The following FGF12 variants were observed in gnomAD, a reference collection of about 807,000 sequenced individuals.
The protein encoded by FGF12 is fibroblast growth factor 12B.
Under a neutral mutation model 23.6 loss-of-function variants are expected in FGF12, and 14 were observed. The observed-to-expected ratio is 0.59, with a 90% CI of 0.39 to 0.93. The LOEUF is 0.93. Ranked by LOEUF, FGF12 falls within the 40% of genes least tolerant of loss-of-function variation. The pLI is 0.00. For synonymous variants in FGF12, 62 were observed against 77.3 expected, an observed-to-expected ratio of 0.80 and a Z score of 1.04; for missense variants, 175 against 217.8, an observed-to-expected ratio of 0.80 and a Z score of 1.24.
chr3:192,608,936 A>G (rs1398493728), intron 2 of FGF12, among the ~76,000 whole-genome samples: 1 of 152,096 alleles, frequency 6.6e-6, no homozygotes, highest in Non-Finnish European at 1.5e-5. Context: ...CAGCTTAGTG[A>G]GGCAGGCTTA....
chr3:192,155,399 C>G (rs137887251), intron 5 of FGF12, among the ~76,000 whole-genome samples: 3 of 152,318 alleles, frequency 2.0e-5, no homozygotes, highest in East Asian at 3.9e-4. Flanking sequence ...AGGAATAAAT[C>G]TAGCTGAAGT....
chr3:192,613,779 A>G (rs1401957448), intron 2 of FGF12, among the ~76,000 whole-genome samples: 1 of 151,962 alleles, frequency 6.6e-6, no homozygotes, highest in Non-Finnish European at 1.5e-5. Context: ...TCCAAAATGA[A>G]ATCTTTGATT....
At chr3:192,651,191 T>G (rs1410954994) in intron 2 of FGF12, among the ~76,000 whole-genome samples, 2 of 152,220 alleles carry the variant, frequency 1.3e-5, no homozygotes, top group Non-Finnish European at 2.9e-5. Flanking sequence ...CCAGGACTGA[T>G]GAGCAAACAG....
In FGF12 at chr3:192,453,874, T is replaced by C. The variant is rs115838325; in HGVS notation, c.14-93336A>G. Among the ~76,000 whole-genome samples the C allele has an allele frequency of 2.9e-3, 449 of 152,330 alleles. 3 individuals are homozygous for C. Among genetic ancestry groups the C allele is most frequent in the African/African-American group, 0.011 (442 of 41,574 alleles). On this transcript the variant is annotated intron_variant, in intron 2 of 5. Transcript: ENST00000445105. ...AATCTGGGTTTAAACTTTATTTCTC[T>C]ATAAACTTGAAGTATTTTTAATAAG...
intron 2 of FGF12, chr3:192,726,830 T>C (rs1356312201): frequency 6.5e-6 from 2 of 308,614 alleles, no homozygotes; most frequent in Non-Finnish European, 1.2e-5. Context: ...CTAAAGCAAA[T>C]GAAATAGATT....
chr3:192,186,908 T>C (rs915603912), intron 4 of FGF12, among the ~76,000 whole-genome samples: 3 of 152,196 alleles, frequency 2.0e-5, no homozygotes, highest in Non-Finnish European at 4.4e-5. Flanking sequence ...TTTTCAGATA[T>C]TTTGCAGCTT....
chr3:192,566,051 A>G (rs552303829), intron 2 of FGF12, among the ~76,000 whole-genome samples: 4 of 152,204 alleles, frequency 2.6e-5, no homozygotes, highest in Admixed American at 6.5e-5. Context: ...GCGCCATTGC[A>G]CTCCAGCCTG....
chr3:192,154,763 TTTTG>T (rs1180748845), intron 5 of FGF12, among the ~76,000 whole-genome samples: 2 of 144,892 alleles, frequency 1.4e-5, no homozygotes, highest in Non-Finnish European at 3.0e-5. Context: ...ACTGCTGTCT[TTTTG>T]TTTGTCTGTG....
chr3:192,350,128 G>A (rs958474323), intron 3 of FGF12, among the ~76,000 whole-genome samples: 2 of 151,994 alleles, frequency 1.3e-5, no homozygotes, highest in Admixed American at 6.6e-5. Flanking sequence ...AGATAAAGCA[G>A]GTATTGTCAA....
chr3:192,487,850 T>G (rs1171068422), intron 2 of FGF12, among the ~76,000 whole-genome samples: 1 of 152,032 alleles, frequency 6.6e-6, no homozygotes, highest in Non-Finnish European at 1.5e-5. Context: ...GGGTATTAGG[T>G]CGGGAATTTT....
At chr3:192,470,090 C>T (rs1046465274) in intron 2 of FGF12, among the ~76,000 whole-genome samples, 1 of 152,096 alleles carries the variant, frequency 6.6e-6, no homozygotes, top group African/African-American at 2.4e-5. Context: ...TTCCAATGTC[C>T]TCTCTGGAGG....
intron 2 of FGF12, among the ~76,000 whole-genome samples, chr3:192,460,225 A>G (rs951121024): frequency 2.0e-5 from 3 of 152,128 alleles, no homozygotes; most frequent in Non-Finnish European, 2.9e-5. Context: ...GCATGCTCCA[A>G]CCTTTTCTTC....
chr3:192,385,678 C>T (rs1720011577), intron 2 of FGF12, among the ~76,000 whole-genome samples: 2 of 152,302 alleles, frequency 1.3e-5, no homozygotes, highest in Non-Finnish European at 2.9e-5. Context: ...CAAGCAACAT[C>T]CACCTCCGTC....
chr3:192,146,426 A>T (rs562120628), intron 5 of FGF12, among the ~76,000 whole-genome samples: 127 of 151,994 alleles, frequency 8.4e-4, no homozygotes, highest in Non-Finnish European at 1.3e-3. Flanking sequence ...ACCAGCCACC[A>T]CGCCTGGCTA....
At chr3:192,697,658 T>A (rs1409773936) in intron 2 of FGF12, among the ~76,000 whole-genome samples, 1 of 152,192 alleles carries the variant, frequency 6.6e-6, no homozygotes, top group East Asian at 1.9e-4. Flanking sequence ...CAGAAGCCAC[T>A]GGTCAGGAGA....
chr3:192,226,252 A>G (rs1374554783), intron 4 of FGF12, among the ~76,000 whole-genome samples: 1 of 152,124 alleles, frequency 6.6e-6, no homozygotes, highest in Admixed American at 6.6e-5. Flanking sequence ...CATTTTTTGA[A>G]TATCTTTGTT....
chr3:192,306,320 G>A lies in FGF12; in HGVS notation c.228+29041C>T, dbSNP rs188626604. 2.7e-3 allele frequency among the ~76,000 whole-genome samples: 415 copies of A among 152,160 alleles called. 1 individual carries two copies. Among genetic ancestry groups the A allele is most frequent in the East Asian group, 6.2e-3 (32 of 5,178 alleles). Reference sequence around the variant, plus strand: ...CTCTAAGCCACTAATTCCCACTACTGCAACCAGGTATACATAAAAACGTGC... The same window carrying A: ...CTCTAAGCCACTAATTCCCACTACTACAACCAGGTATACATAAAAACGTGC... On this transcript the variant is annotated intron_variant, in intron 4 of 5. Transcript: ENST00000445105.
At chr3:192,714,577 G>A (rs1327094336) in intron 2 of FGF12, among the ~76,000 whole-genome samples, 1 of 140,484 alleles carries the variant, frequency 7.1e-6, no homozygotes, top group East Asian at 2.2e-4. Context: ...GGAGTGCAGC[G>A]GCGCAATCTC....
Position 192,706,478 on chromosome 3 carries a change from C to T in FGF12, c.13+20703G>A, listed in dbSNP as rs147095011. On this transcript the variant is annotated intron_variant, in intron 2 of 5. Transcript: ENST00000445105. ...ATGAATTCCAGATCACCCGGCTCCC[C>T]GCCCAGTGCCACTTCCTTCCTTTCT... Among the ~76,000 whole-genome samples the T allele has an allele frequency of 4.3e-3, 650 of 152,172 alleles. 4 individuals are homozygous for T. Among genetic ancestry groups the T allele is most frequent in the African/African-American group, 0.015 (623 of 41,494 alleles).
Sources: allele counts gnomAD v4.1 joint callset (sites outside exome capture counted in the v4.1 genomes callset), GRCh38; gene constraint gnomAD v4.1.1; transcripts MANE v1.5; gene names NCBI Gene and HGNC (gene_info 2026-07-23, HGNC 2026-07-21).